The following KIF4A variants were observed in gnomAD, a reference collection of about 807,000 sequenced individuals.
The protein encoded by KIF4A is chromosome-associated kinesin KIF4A.
KIF4A carries 7 observed loss-of-function variants against 105.9 expected under a neutral mutation model. The ratio of observed to expected loss-of-function variants is 0.07; its 90% CI spans 0.04 to 0.12. KIF4A has a LOEUF of 0.12. KIF4A is among the 10% of genes least tolerant of loss of function. KIF4A has a pLI of 1.00. For missense variants in KIF4A, 558 were observed against 929.2 expected (o/e 0.60, Z 5.19); for synonymous variants, 281 against 331.3 (o/e 0.85, Z 1.65).
intron 28 of KIF4A, among the ~76,000 whole-genome samples, chrX:70,411,145 G>C (rs772723746): frequency 1.8e-5 from 2 of 111,398 alleles, no homozygotes; most frequent in Non-Finnish European, 3.8e-5. Flanking sequence ...TGAAGGAATA[G>C]CCTGGGCACG....
chrX:70,361,004 G>A (rs2086073160), intron 15 of KIF4A, among the ~76,000 whole-genome samples: 1 of 112,714 alleles, frequency 8.9e-6, no homozygotes, highest in African/African-American at 3.2e-5. Flanking sequence ...GGGCTCAGGA[G>A]GCTAACCCCT....
In KIF4A at chrX:70,417,948, T is replaced by C; in HGVS notation, c.3316T>C (p.Cys1106Arg). ...TGGGTGCAGGAAGCAAAAGTCAGACTGTGGTGTGGACTGTTGCTGTGACCC... is the reference window on the plus strand; with the variant it reads ...TGGGTGCAGGAAGCAAAAGTCAGACCGTGGTGTGGACTGTTGCTGTGACCC... ...QCGCRKQKSD[C>R]GVDCCCDPTK... is the part of the protein sequence containing the mutation. Residue 1106 changes from cysteine (C) to arginine (R), a missense_variant, in exon 29 of 31, where the codon TGT becomes CGT. Physicochemically the swap from Cys to Arg is radical, Grantham distance 180. Transcript: ENST00000374403. The C allele has an allele frequency of 8.3e-7, 1 of 1,211,643 alleles. No individual in the cohort carries two copies. The highest frequency in any genetic ancestry group is 2.3e-4 in the Middle Eastern group (1 of 4,352).
At chrX:70,340,655 C>T (rs2085969144) in intron 10 of KIF4A, among the ~76,000 whole-genome samples, 1 of 111,062 alleles carries the variant, frequency 9.0e-6, no homozygotes, top group Non-Finnish European at 1.9e-5. Flanking sequence ...AATATGAGAC[C>T]TTATTGTGTG....
chrX:70,383,365 A>G (rs5980920), intron 18 of KIF4A, among the ~76,000 whole-genome samples: 1,844 of 112,084 alleles, frequency 0.016, 36 homozygotes, highest in African/African-American at 0.056. Context: ...AAACAAAAAG[A>G]CAGATAATAA....
intron 18 of KIF4A, among the ~76,000 whole-genome samples, chrX:70,381,412 C>G (rs182135366): frequency 1.8e-5 from 2 of 110,845 alleles, no homozygotes; most frequent in East Asian, 5.7e-4. Flanking sequence ...TGACAGGCAC[C>G]TGTAATCGCA....
At chrX:70,293,098 C>T (rs2085767484) in intron 3 of KIF4A, among the ~76,000 whole-genome samples, 2 of 111,991 alleles carry the variant, frequency 1.8e-5, no homozygotes, top group African/African-American at 6.5e-5. Context: ...TATTCTCTTG[C>T]CCCATAGTCA....
At chrX:70,310,348 T>C (rs73634828) in intron 7 of KIF4A, among the ~76,000 whole-genome samples, 156 of 107,549 alleles carry the variant, frequency 1.5e-3, no homozygotes, top group African/African-American at 4.6e-3. Context: ...TGTGTGTGTG[T>C]GCCTGGATTC....
chrX:70,388,856 T>C (rs764355310), intron 20 of KIF4A, among the ~76,000 whole-genome samples: 5 of 112,603 alleles, frequency 4.4e-5, no homozygotes, highest in Non-Finnish European at 7.5e-5. Context: ...CCCTTTTCAA[T>C]TTGTAACAGT....
At chrX:70,314,898 G>C (rs757599560) in intron 7 of KIF4A, among the ~76,000 whole-genome samples, 27 of 111,135 alleles carry the variant, frequency 2.4e-4, no homozygotes, top group Non-Finnish European at 4.5e-4. Context: ...TTTGTCCGTT[G>C]AGGTTTTGGG....
intron 26 of KIF4A, 66 bp from the exon 27 acceptor site, chrX:70,406,193 G>C (rs1292203014): frequency 1.1e-6 from 1 of 929,693 alleles, no homozygotes; most frequent in African/African-American, 1.9e-5. Context: ...TCTGGTATCT[G>C]TTTTAGCCAT....
chrX:70,402,726 G>T (rs773564767), intron 23 of KIF4A, 31 bp downstream of exon 23: 5 of 1,196,168 alleles, frequency 4.2e-6, no homozygotes, highest in Non-Finnish European at 5.6e-6. Flanking sequence ...CAGTTAGGAG[G>T]CTGGCTGTGT....
At chrX:70,291,931 T>G (rs758666895) in intron 3 of KIF4A, among the ~76,000 whole-genome samples, 1 of 111,974 alleles carries the variant, frequency 8.9e-6, no homozygotes, top group East Asian at 2.8e-4. Context: ...TTAGAAGCCT[T>G]CTTCTAGGCA....
At chrX:70,367,293 A>G (rs1245404116) in intron 15 of KIF4A, among the ~76,000 whole-genome samples, 1 of 111,379 alleles carries the variant, frequency 9.0e-6, no homozygotes, top group Non-Finnish European at 1.9e-5. Flanking sequence ...TCCTGTCATT[A>G]TGATGTTAGC....
chrX:70,309,878 A>G (rs1283762837), intron 7 of KIF4A, among the ~76,000 whole-genome samples: 1 of 111,961 alleles, frequency 8.9e-6, no homozygotes, highest in Non-Finnish European at 1.9e-5. Context: ...CCCTGTGTCT[A>G]CTAACATTCC....
intron 7 of KIF4A, among the ~76,000 whole-genome samples, chrX:70,317,140 A>G (rs2085872393): frequency 1.8e-5 from 2 of 111,767 alleles, no homozygotes; most frequent in South Asian, 7.5e-4. Context: ...GGTAATTTCC[A>G]GTTTGGAGTT....
rs773734895 is a variant in KIF4A at position 70,386,715 on chromosome X, A to G, written c.2118+14A>G. ...AAAACGGAGGAGGTAAGAAAATTCA[A>G]TCTGCTAGGTCAAGTGTATTGTCAT... On this transcript the variant is annotated intron_variant, in intron 19 of 30. Transcript: ENST00000374403. The G allele has an allele frequency of 2.8e-5, 31 of 1,109,888 alleles. No homozygotes were observed. The highest frequency in any genetic ancestry group is 8.8e-5 in the Admixed American group (4 of 45,561). 91.5% of individuals were successfully genotyped at this position (1,109,888 alleles called of 1,213,427 possible).
chrX:70,306,826 C>A, intron 7 of KIF4A, among the ~76,000 whole-genome samples: 1 of 110,012 alleles, frequency 9.1e-6, no homozygotes, highest in Non-Finnish European at 1.9e-5. Flanking sequence ...CAGGCATGAG[C>A]CACCGTGCCC....
At chrX:70,374,067 T>A (rs1183512640) in intron 15 of KIF4A, 84 bp from the exon 16 acceptor site, 10 of 510,447 alleles carry the variant, frequency 2.0e-5, no homozygotes, top group Non-Finnish European at 2.6e-5. Context: ...TAATGCATAG[T>A]TCCTTGAGAC....
At chrX:70,406,384 G>A in intron 27 of KIF4A, 30 bp downstream of exon 27, 1 of 1,116,395 alleles carries the variant, frequency 9.0e-7, no homozygotes, top group South Asian at 1.9e-5. Flanking sequence ...TGATACCTTT[G>A]CACAGCTTAG....
Sources: allele counts gnomAD v4.1 joint callset (sites outside exome capture counted in the v4.1 genomes callset), GRCh38; gene constraint gnomAD v4.1.1; transcripts MANE v1.5; gene names NCBI Gene and HGNC (gene_info 2026-07-23, HGNC 2026-07-21).